CSMD3: variants seen among roughly 807,000 people sequenced by gnomAD.
CSMD3 encodes the protein CUB and Sushi multiple domains 3, also known as CUB and sushi domain-containing protein 3.
In CSMD3, 177 loss-of-function variants were observed where a neutral mutation model predicts 435.2. That is an observed-to-expected ratio of 0.41 (90% CI 0.36 to 0.46). The LOEUF (loss-of-function observed/expected upper bound fraction) is 0.46, where lower values mean the gene tolerates loss of function less well. CSMD3 is among the 20% of genes least tolerant of loss of function. CSMD3 has a pLI of 0.34. For missense variants in CSMD3, 4,265 were observed against 4,504.6 expected (o/e 0.95, Z 1.52); for synonymous variants, 1,656 against 1,520.5 (o/e 1.09, Z -2.07).
chr8:112,778,347 A>C (rs2078296799), intron 13 of CSMD3, among the ~76,000 whole-genome samples: 1 of 151,908 alleles, frequency 6.6e-6, no homozygotes. Flanking sequence ...CTGACCTAAA[A>C]ATCCTCTTTG....
intron 32 of CSMD3, among the ~76,000 whole-genome samples, chr8:112,467,436 T>A (rs1395583100): frequency 2.0e-5 from 3 of 152,168 alleles, no homozygotes; most frequent in African/African-American, 7.2e-5. Context: ...GTTGGAATTT[T>A]CCAAGAAATC....
intron 13 of CSMD3, among the ~76,000 whole-genome samples, chr8:112,749,108 T>C (rs992164157): frequency 6.6e-6 from 1 of 152,180 alleles, no homozygotes; most frequent in African/African-American, 2.4e-5. Context: ...TGAGCTTTTT[T>C]TCATATGTGT....
intron 5 of CSMD3, among the ~76,000 whole-genome samples, chr8:113,084,936 A>C (rs2089703868): frequency 1.3e-5 from 2 of 152,042 alleles, no homozygotes; most frequent in Non-Finnish European, 1.5e-5. Flanking sequence ...TTAGACCCAT[A>C]TCTCTCTCTA....
chr8:113,117,457 T>C (rs2131621093), intron 4 of CSMD3, among the ~76,000 whole-genome samples: 1 of 152,278 alleles, frequency 6.6e-6, no homozygotes, highest in South Asian at 2.1e-4. Flanking sequence ...AGAAATTTGC[T>C]GTGGAAGTGG....
intron 2 of CSMD3, among the ~76,000 whole-genome samples, chr8:113,285,370 C>T (rs2093639060): frequency 1.3e-5 from 1 of 77,324 alleles, no homozygotes; most frequent in Non-Finnish European, 2.1e-5. Flanking sequence ...CCCCATTCTC[C>T]TGCCTTCAGC....
intron 59 of CSMD3, among the ~76,000 whole-genome samples, chr8:112,267,378 T>C (rs1023901228): frequency 1.3e-5 from 2 of 152,084 alleles, no homozygotes; most frequent in African/African-American, 4.8e-5. Flanking sequence ...CCTATGATTA[T>C]TGGGGAGTAA....
At chr8:112,846,287 C>T (rs761863572) in intron 11 of CSMD3, among the ~76,000 whole-genome samples, 3 of 148,734 alleles carry the variant, frequency 2.0e-5, no homozygotes, top group Non-Finnish European at 3.0e-5. Context: ...CTTTCCTTCT[C>T]TCTCTCTCTT....
In CSMD3 at chr8:113,342,263, A is replaced by C. The variant is rs73341930; in HGVS notation, c.179-27470T>G. On this transcript the variant is annotated intron_variant, in intron 1 of 70. Coordinates refer to ENST00000297405, the MANE Select transcript of CSMD3 (RefSeq NM_198123.2). Reference sequence around the variant, plus strand: ...TGTAAACACTAGACTATAACATCAAAGGGAAAGAACTGATTGTTTCCTATT... The same window carrying C: ...TGTAAACACTAGACTATAACATCAACGGGAAAGAACTGATTGTTTCCTATT... Among the ~76,000 whole-genome samples, 535 of 152,258 alleles carry C rather than the reference A, an allele frequency of 3.5e-3. 2 individuals carry two copies. The highest frequency in any genetic ancestry group is 0.012 in the African/African-American group (498 of 41,566).
At chr8:112,804,478 G>A (rs1324061303) in intron 12 of CSMD3, among the ~76,000 whole-genome samples, 1 of 152,032 alleles carries the variant, frequency 6.6e-6, no homozygotes, top group East Asian at 1.9e-4. Context: ...GGCGGGACTG[G>A]AGAAAAGAGA....
intron 27 of CSMD3, among the ~76,000 whole-genome samples, chr8:112,527,801 A>G (rs1436817377): frequency 6.6e-6 from 1 of 152,144 alleles, no homozygotes; most frequent in Non-Finnish European, 1.5e-5. Flanking sequence ...GAATACAAAA[A>G]TAAAACTTGC....
chr8:112,588,990 A>T (rs1227791282), intron 22 of CSMD3, among the ~76,000 whole-genome samples: 2 of 152,140 alleles, frequency 1.3e-5, no homozygotes, highest in Non-Finnish European at 2.9e-5. Flanking sequence ...ATGCACATAT[A>T]TTTTTGTCAA....
At chr8:112,641,772 G>C (rs986776120) in intron 20 of CSMD3, among the ~76,000 whole-genome samples, 1 of 152,062 alleles carries the variant, frequency 6.6e-6, no homozygotes, top group Non-Finnish European at 1.5e-5. Context: ...CAGGAAGACT[G>C]AGGATGCAGT....
rs75710220 is a variant in CSMD3 at position 113,099,343 on chromosome 8, T to G, written c.710-380A>C. 3.5e-4 allele frequency among the ~76,000 whole-genome samples: 53 copies of G among 152,198 alleles called. 2 individuals carry two copies. In the East Asian group the frequency reaches 0.01, roughly 29 times the overall value. Reference sequence around the variant, plus strand: ...TGTGATGGGAAATCTTTGATCACTTTGTTTATTGACGGAAGAGCTTTTTGG... The same window carrying G: ...TGTGATGGGAAATCTTTGATCACTTGGTTTATTGACGGAAGAGCTTTTTGG... On this transcript the variant is annotated intron_variant, in intron 4 of 70. Coordinates refer to ENST00000297405, the MANE Select transcript of CSMD3 (RefSeq NM_198123.2).
chr8:113,136,350 T>A (rs1364097942), intron 4 of CSMD3, among the ~76,000 whole-genome samples: 2 of 151,822 alleles, frequency 1.3e-5, no homozygotes, highest in Non-Finnish European at 2.9e-5. Flanking sequence ...TATTAATACA[T>A]ACTTAAATTT....
intron 35 of CSMD3, among the ~76,000 whole-genome samples, chr8:112,395,147 T>G (rs6985313): frequency 0.36 from 54,354 of 152,056 alleles, 13,419 homozygotes; most frequent in African/African-American, 0.71. Context: ...AAAAGATATA[T>G]GATAAATTTC....
intron 13 of CSMD3, among the ~76,000 whole-genome samples, chr8:112,699,024 A>T (rs972471071): frequency 6.6e-6 from 1 of 152,126 alleles, no homozygotes; most frequent in Non-Finnish European, 1.5e-5. Flanking sequence ...AAATGGACCC[A>T]TCAGCACTCT....
At chr8:113,367,019 CT>C (rs2094316457) in intron 1 of CSMD3, among the ~76,000 whole-genome samples, 3 of 151,846 alleles carry the variant, frequency 2.0e-5, no homozygotes, top group Admixed American at 6.6e-5. Flanking sequence ...GAAATGAGTA[CT>C]TTTTTTAAGG....
intron 50 of CSMD3, among the ~76,000 whole-genome samples, chr8:112,307,353 T>A (rs1244470978): frequency 6.6e-6 from 1 of 152,086 alleles, no homozygotes; most frequent in African/African-American, 2.4e-5. Context: ...GGATCTTGGC[T>A]CACTGCAGCC....
rs34885472 is a variant in CSMD3, at chr8:112,855,809, CTT to C, written c.1755+3334_1755+3335del. Among the ~76,000 whole-genome samples the C allele has an allele frequency of 2.5e-3, 339 of 135,578 alleles. 2 individuals are homozygous for C. Among genetic ancestry groups the C allele is most frequent in the African/African-American group, 8.7e-3 (321 of 37,042 alleles). The allele number at this position is 135,578 out of a possible 152,430, so 88.9% of individuals were successfully genotyped here. A position where few individuals can be genotyped will look rare whatever the true frequency, so the allele number is the denominator to read the frequency against. On this transcript the variant is annotated intron_variant, in intron 11 of 70. Transcript: ENST00000297405. The stretch of plus-strand genomic sequence containing the variant: ...TCCCTTCAAATATGTCTTAGCGAAG[CTT>C]TTTTTTTTTTTTTTCTTTGTCTCAA...
Sources: allele counts gnomAD v4.1 joint callset (sites outside exome capture counted in the v4.1 genomes callset), GRCh38; gene constraint gnomAD v4.1.1; transcripts MANE v1.5; gene names NCBI Gene and HGNC (gene_info 2026-07-23, HGNC 2026-07-21).